CADPS2: variants seen among roughly 807,000 people sequenced by gnomAD.
CADPS2 encodes the protein calcium-dependent secretion activator 2.
Under a neutral mutation model 172.5 loss-of-function variants are expected in CADPS2, and 93 were observed. The observed-to-expected ratio is 0.54, with a 90% confidence interval of 0.46 to 0.64. The LOEUF is 0.64. Ranked by LOEUF, CADPS2 falls within the 30% of genes least tolerant of loss-of-function variation. The pLI is 0.00. For synonymous variants in CADPS2, 546 were observed against 555.2 expected, an observed-to-expected ratio of 0.98 and a Z score of 0.23; for missense variants, 1,420 against 1,565.9, an observed-to-expected ratio of 0.91 and a Z score of 1.57.
At chr7:122,557,442 C>T (rs955827992) in intron 7 of CADPS2, among the ~76,000 whole-genome samples, 47 of 152,210 alleles carry the variant, frequency 3.1e-4, no homozygotes, top group African/African-American at 1.1e-3. Context: ...TACTGCCATG[C>T]GTTTCCCATT....
At chr7:122,700,099 G>A (rs1184089168) in intron 2 of CADPS2, among the ~76,000 whole-genome samples, 2 of 152,154 alleles carry the variant, frequency 1.3e-5, no homozygotes, top group African/African-American at 4.8e-5. Context: ...AGCATAGTAA[G>A]TTCACAAGCA....
intron 2 of CADPS2, among the ~76,000 whole-genome samples, chr7:122,685,155 C>T (rs991336189): frequency 2.6e-5 from 4 of 151,974 alleles, no homozygotes; most frequent in African/African-American, 9.7e-5. Context: ...GGTATAAATC[C>T]AATCACCCTT....
intron 8 of CADPS2, among the ~76,000 whole-genome samples, chr7:122,513,804 C>T (rs758904343): frequency 2.6e-5 from 4 of 152,196 alleles, no homozygotes; most frequent in Admixed American, 2.0e-4. Context: ...TCTCCATGTC[C>T]TCACCTATCA....
chr7:122,488,037 A>G (rs1259538634), intron 11 of CADPS2, among the ~76,000 whole-genome samples: 2 of 152,232 alleles, frequency 1.3e-5, no homozygotes, highest in Admixed American at 6.5e-5. Flanking sequence ...CAGGAAATTC[A>G]CATTAAATGC....
At chr7:122,590,300 G>C (rs776499130) in intron 6 of CADPS2, among the ~76,000 whole-genome samples, 10 of 151,980 alleles carry the variant, frequency 6.6e-5, no homozygotes, top group South Asian at 2.1e-4. Context: ...CTGGAACAGA[G>C]AGCCCAGAAA....
intron 29 of CADPS2, among the ~76,000 whole-genome samples, chr7:122,322,374 T>A (rs765401064): frequency 3.3e-5 from 5 of 152,232 alleles, no homozygotes; most frequent in Non-Finnish European, 5.9e-5. Flanking sequence ...CTTATTCAAT[T>A]AGCAAGCAAT....
At chr7:122,702,077 C>A in intron 2 of CADPS2, 2 of 1,613,526 alleles carry the variant, frequency 1.2e-6, no homozygotes, top group Non-Finnish European at 1.7e-6. Flanking sequence ...TATTTGACTT[C>A]GCCTCCTGGT....
chr7:122,455,587 A>C (rs1586215607), intron 14 of CADPS2, among the ~76,000 whole-genome samples: 1 of 152,148 alleles, frequency 6.6e-6, no homozygotes, highest in East Asian at 1.9e-4. Flanking sequence ...GAAATGAATG[A>C]GTAATATATG....
chr7:122,802,870 C>G (rs1380885659), intron 1 of CADPS2, among the ~76,000 whole-genome samples: 1 of 152,140 alleles, frequency 6.6e-6, no homozygotes, highest in Admixed American at 6.5e-5. Flanking sequence ...GCAAATGGAA[C>G]GTAGAGCACA....
At chr7:122,391,345 G>C (rs568107857) in intron 22 of CADPS2, among the ~76,000 whole-genome samples, 1 of 151,884 alleles carries the variant, frequency 6.6e-6, no homozygotes, top group African/African-American at 2.4e-5. Flanking sequence ...TTTAAAAAAG[G>C]GCCCTCAATA....
chr7:122,464,586 C>T (rs1039726184), intron 14 of CADPS2, among the ~76,000 whole-genome samples: 7 of 152,092 alleles, frequency 4.6e-5, no homozygotes, highest in Non-Finnish European at 8.8e-5. Flanking sequence ...CAGGATGTCA[C>T]GCGGATATTA....
At chr7:122,362,307 T>A (rs2040260250) in intron 25 of CADPS2, among the ~76,000 whole-genome samples, 1 of 152,048 alleles carries the variant, frequency 6.6e-6, no homozygotes, top group Non-Finnish European at 1.5e-5. Flanking sequence ...CAGAGTACAA[T>A]GGAAAAGAGC....
intron 12 of CADPS2, 89 bp downstream of exon 12, chr7:122,480,763 C>T: frequency 2.3e-6 from 2 of 862,546 alleles, no homozygotes; most frequent in South Asian, 1.9e-5. Context: ...GGGGATTGAT[C>T]CTGTAAACAA....
chr7:122,670,551 C>A (rs1331048397), intron 2 of CADPS2, among the ~76,000 whole-genome samples: 2 of 151,350 alleles, frequency 1.3e-5, no homozygotes, highest in East Asian at 3.9e-4. Flanking sequence ...AGGCGGGAGT[C>A]CAGTGGCAAC....
intron 1 of CADPS2, among the ~76,000 whole-genome samples, chr7:122,784,307 T>C (rs1166480048): frequency 6.6e-6 from 1 of 152,242 alleles, no homozygotes; most frequent in Admixed American, 6.5e-5. Flanking sequence ...TTTTAGATTT[T>C]TGAGGAAGTT....
intron 24 of CADPS2, among the ~76,000 whole-genome samples, chr7:122,381,193 C>CT (rs1297193459): frequency 6.6e-6 from 1 of 152,110 alleles, no homozygotes; most frequent in Non-Finnish European, 1.5e-5. Flanking sequence ...GATGGAGAAG[C>CT]TTATGCAAAT....
At chr7:122,822,373 C>T (rs1301542692) in intron 1 of CADPS2, among the ~76,000 whole-genome samples, 1 of 152,092 alleles carries the variant, frequency 6.6e-6, no homozygotes, top group East Asian at 1.9e-4. Flanking sequence ...TACCACAAGA[C>T]CTCCCTTCAG....
chr7:122,562,077 T>C (rs1244915681), intron 7 of CADPS2, among the ~76,000 whole-genome samples: 1 of 152,204 alleles, frequency 6.6e-6, no homozygotes, highest in Non-Finnish European at 1.5e-5. Flanking sequence ...CAGTGTGTTG[T>C]TTACTTAACA....
chr7:122,439,227 A>G (rs557962493), intron 16 of CADPS2: 7 of 152,192 alleles, frequency 4.6e-5, no homozygotes, highest in Non-Finnish European at 7.4e-5. Flanking sequence ...ATGTATTTAT[A>G]AACACTGTTA....
Sources: allele counts gnomAD v4.1 joint callset (sites outside exome capture counted in the v4.1 genomes callset), GRCh38; gene constraint gnomAD v4.1.1; transcripts MANE v1.5; gene names NCBI Gene and HGNC (gene_info 2026-07-23, HGNC 2026-07-21).